Variants in MYBL2 observed in about 807,000 individuals in gnomAD.
The protein encoded by MYBL2 is myb-related protein B.
A neutral mutation model predicts 79.9 loss-of-function variants in MYBL2; 28 were observed. That is an observed-to-expected ratio of 0.35 (90% CI 0.26 to 0.48). MYBL2 has a LOEUF of 0.48. MYBL2 is among the 20% of genes least tolerant of loss of function. The pLI, the probability that MYBL2 is intolerant of heterozygous loss-of-function variation, is 0.99. For synonymous variants in MYBL2, 378 were observed against 361.2 expected (o/e 1.05, Z -0.53); for missense variants, 735 against 893.9 (o/e 0.82, Z 2.27).
intron 5 of MYBL2, among the ~76,000 whole-genome samples, chr20:43,688,003 C>T (rs1281885073): frequency 3.5e-5 from 4 of 114,950 alleles, no homozygotes; most frequent in Non-Finnish European, 7.2e-5. Context: ...CAGAGCGAGA[C>T]TGTCTCCAAA....
intron 4 of MYBL2, among the ~76,000 whole-genome samples, chr20:43,683,508 C>T (rs557092979): frequency 6.6e-6 from 1 of 151,222 alleles, no homozygotes; most frequent in South Asian, 2.1e-4. Flanking sequence ...TCCACTGAGG[C>T]AGGCATGGCT....
rs2145718160 is a variant in MYBL2 at position 43,687,081 on chromosome 20, T to C, written c.500+9T>C. The C allele has an allele frequency of 6.2e-7, 1 of 1,610,886 alleles. No individual in the cohort carries two copies. The highest frequency in any genetic ancestry group is 1.1e-5 in the South Asian group (1 of 90,828). On this transcript the variant is annotated intron_variant, in intron 5 of 13. Coordinates refer to ENST00000217026, the MANE Select transcript of MYBL2 (RefSeq NM_002466.4). ...AAGATGTTGCCAGGGAGGTAAGCTG[T>C]CTTCTTGGGGGTTGGGACAGGTTCC...
At position 43,709,297 on chromosome 20, in the gene MYBL2, A is replaced by C. The variant is rs540555114; in HGVS notation, c.1506-666A>C. On this transcript the variant is annotated intron_variant, in intron 9 of 13. Transcript: ENST00000217026. ...CTTCCTTCAGAGCTGACATTTGCCC[A>C]CAGCCAGCCTGGCCCAGCCCCATAC... Among the ~76,000 whole-genome samples the C allele has an allele frequency of 6.6e-5, 10 of 152,290 alleles. No individual in the cohort carries two copies. In the East Asian group the frequency reaches 1.7e-3, roughly 27 times the overall value.
chr20:43,711,500 C>T lies in MYBL2; in HGVS notation c.1618C>T (p.His540Tyr), dbSNP rs1390187149. The T allele has an allele frequency of 1.2e-6, 2 of 1,612,944 alleles. No individual in the cohort carries two copies. The highest frequency in any genetic ancestry group is 1.7e-6 in the Non-Finnish European group (2 of 1,179,572). Residue 540 changes from histidine (H) to tyrosine (Y), a missense_variant, in exon 11 of 14, where the codon CAC (histidine) becomes TAC (tyrosine). His to Tyr is a moderately conservative substitution (Grantham distance 83). Transcript: ENST00000217026. ...GPLKPLPQTP[H>Y]LEEDLKEVLR... ...TGCCTACCCACAGCCACAGACCCCG[C>T]ACCTGGAGGAGGACTTGAAGGAGGT...
In MYBL2 at chr20:43,707,998, T is replaced by G. The variant is rs991455940; in HGVS notation, c.1506-1965T>G. Among the ~76,000 whole-genome samples, 6 of 152,246 alleles carry G rather than the reference T, an allele frequency of 3.9e-5. No homozygotes were observed. In the South Asian group the frequency reaches 1.2e-3, roughly 32 times the overall value. ...GGGATTGTTTTCTGATTCACCAGTT[T>G]GGTTGTCTGTGGTTTCCAACTTGCT... is the stretch of plus-strand genomic sequence containing the variant. On this transcript the variant is annotated intron_variant, in intron 9 of 13. Transcript: ENST00000217026.
chr20:43,707,761 AT>A (rs895056780), intron 9 of MYBL2, among the ~76,000 whole-genome samples: 79 of 151,532 alleles, frequency 5.2e-4, no homozygotes, highest in Middle Eastern at 3.4e-3. Context: ...GTATTTCTCT[AT>A]TTTTTTCCCC....
At position 43,716,128 on chromosome 20, in the gene MYBL2, G is replaced by T. The variant is rs1470683443; in HGVS notation, c.*41G>T. 5 of 1,598,002 alleles carry T rather than the reference G, an allele frequency of 3.1e-6. No homozygotes were observed. Among genetic ancestry groups the T allele is most frequent in the Non-Finnish European group, 4.2e-6 (5 of 1,178,684 alleles). ...ACGAGCCCATTCTCATGTTTACAGGGGTTGTGGGGGCAGAGGGGGTCTGTG... is the reference window on the plus strand; with the variant it reads ...ACGAGCCCATTCTCATGTTTACAGGTGTTGTGGGGGCAGAGGGGGTCTGTG... On this transcript the variant is annotated 3_prime_UTR_variant, in exon 14 of 14. Transcript: ENST00000217026.
chr20:43,684,208 T>C (rs433115), intron 4 of MYBL2, among the ~76,000 whole-genome samples: 124,146 of 151,530 alleles, frequency 0.82, 51,377 homozygotes, highest in Non-Finnish European at 0.87. Flanking sequence ...ATTGTAGGTA[T>C]GAGCCACCAT....
intron 6 of MYBL2, among the ~76,000 whole-genome samples, chr20:43,699,380 GAGTT>G (rs1451839424): frequency 2.0e-5 from 3 of 152,164 alleles, no homozygotes; most frequent in African/African-American, 4.8e-5. Context: ...AGCCATTTGA[GAGTT>G]AGTTATGTAG....
At chr20:43,710,892 C>T (rs979533518) in intron 10 of MYBL2, among the ~76,000 whole-genome samples, 5 of 152,200 alleles carry the variant, frequency 3.3e-5, no homozygotes, top group Admixed American at 6.5e-5. Context: ...GCTCTCCAAA[C>T]AGGTGTGAGG....
intron 3 of MYBL2, 128 bp downstream of exon 3, chr20:43,681,983 A>G: frequency 1.1e-6 from 1 of 899,242 alleles, no homozygotes; most frequent in Non-Finnish European, 1.7e-6. Flanking sequence ...AAAACCAAAT[A>G]AAACAGGGCA....
At chr20:43,675,712 C>T (rs1200383136) in intron 2 of MYBL2, among the ~76,000 whole-genome samples, 1 of 151,896 alleles carries the variant, frequency 6.6e-6, no homozygotes. Context: ...TTCCCCAGCT[C>T]CAGGAAATTG....
chr20:43,692,376 C>A, intron 6 of MYBL2, 57 bp downstream of exon 6: 1 of 1,599,074 alleles, frequency 6.3e-7, no homozygotes, highest in Non-Finnish European at 8.6e-7. Flanking sequence ...CTGACACCAT[C>A]TCATTGAACA....
intron 5 of MYBL2, among the ~76,000 whole-genome samples, chr20:43,688,657 A>G (rs1052507301): frequency 1.3e-5 from 2 of 151,624 alleles, no homozygotes; most frequent in Admixed American, 6.6e-5. Context: ...TAGTTTTAAA[A>G]TTTTTTGTAG....
At chr20:43,678,327 GAAAGAAA>G (rs1568850333) in intron 2 of MYBL2, among the ~76,000 whole-genome samples, 1 of 17,812 alleles carries the variant, frequency 5.6e-5, no homozygotes, top group African/African-American at 9.5e-5. Flanking sequence ...AAGAAAGAAA[GAAAGAAA>G]AAAAAAAAAA....
chr20:43,703,652 C>T (rs1987719697), intron 8 of MYBL2, among the ~76,000 whole-genome samples: 1 of 152,120 alleles, frequency 6.6e-6, no homozygotes, highest in South Asian at 2.1e-4. Context: ...TAACTTAGGG[C>T]TTTGGCTCTC....
intron 5 of MYBL2, among the ~76,000 whole-genome samples, chr20:43,691,117 C>A (rs1421565762): frequency 1.3e-5 from 2 of 152,112 alleles, no homozygotes; most frequent in African/African-American, 4.8e-5. Context: ...GTGAACAGTT[C>A]TGGGCCTTCT....
chr20:43,691,907 A>G (rs1168212115), intron 5 of MYBL2, among the ~76,000 whole-genome samples: 3 of 151,208 alleles, frequency 2.0e-5, no homozygotes, highest in Non-Finnish European at 4.4e-5. Context: ...AGCTGGTGCC[A>G]TTTTATAATT....
intron 2 of MYBL2, among the ~76,000 whole-genome samples, chr20:43,677,415 A>C (rs1361836991): frequency 6.6e-6 from 1 of 152,236 alleles, no homozygotes; most frequent in Non-Finnish European, 1.5e-5. Flanking sequence ...AGGTTAAGGA[A>C]ACTTATGTGG....
Sources: allele counts gnomAD v4.1 joint callset (sites outside exome capture counted in the v4.1 genomes callset), GRCh38; gene constraint gnomAD v4.1.1; transcripts MANE v1.5; gene names NCBI Gene and HGNC (gene_info 2026-07-23, HGNC 2026-07-21).